ARL17B: variants seen among roughly 807,000 people sequenced by gnomAD.
The protein encoded by ARL17B is ARF like GTPase 17B, also known as ADP-ribosylation factor-like protein 17.
chr17:46,281,993 C>T (rs2049774667), intron 4 of ARL17B, among the ~76,000 whole-genome samples: 2 of 152,058 alleles, frequency 1.3e-5, no homozygotes, highest in African/African-American at 2.4e-5. Flanking sequence ...AACCTGCTGC[C>T]TACTTTTCTT....
At chr17:46,311,994 C>T (rs2050821094) in intron 3 of ARL17B, among the ~76,000 whole-genome samples, 1 of 72,148 alleles carries the variant, frequency 1.4e-5, no homozygotes, top group South Asian at 6.3e-4. Context: ...GAGGCCAAGA[C>T]AGGCAGATCG....
intron 4 of ARL17B, among the ~76,000 whole-genome samples, chr17:46,278,319 C>A (rs1414013570): frequency 9.2e-5 from 14 of 152,296 alleles, no homozygotes; most frequent in African/African-American, 3.4e-4. Context: ...AAATGAGAGC[C>A]AAGCTCACTT....
downstream of ARL17B, chr17:46,332,695 CCTGT>C (rs1347427855): frequency 2.4e-6 from 2 of 817,820 alleles, no homozygotes; most frequent in Non-Finnish European, 3.8e-6. Context: ...AGAATGCAGT[CCTGT>C]CTTTGTGTGG....
intron 2 of ARL17B, among the ~76,000 whole-genome samples, chr17:46,354,650 TAA>T (rs1168841386): frequency 1.9e-5 from 2 of 103,862 alleles, no homozygotes; most frequent in Non-Finnish European, 3.8e-5. Flanking sequence ...AATTAAAAAT[TAA>T]AAAAAAAAGA....
At chr17:46,351,716 C>A (rs200627290) in intron 3 of ARL17B, among the ~76,000 whole-genome samples, 2 of 151,600 alleles carry the variant, frequency 1.3e-5, no homozygotes, top group South Asian at 2.1e-4. Context: ...TATAAAGGGA[C>A]AGTCGACTTG....
At chr17:46,290,075 C>T (rs2050024140) in intron 4 of ARL17B, among the ~76,000 whole-genome samples, 1 of 152,264 alleles carries the variant, frequency 6.6e-6, no homozygotes. Context: ...GCTGTGATGG[C>T]ACCACTGTGC....
At chr17:46,285,408 T>A (rs1211517211) in intron 4 of ARL17B, among the ~76,000 whole-genome samples, 4 of 151,866 alleles carry the variant, frequency 2.6e-5, no homozygotes, top group Admixed American at 1.3e-4. Flanking sequence ...ACCCGACTAG[T>A]TTTTTGTATT....
intron 4 of ARL17B, among the ~76,000 whole-genome samples, chr17:46,288,613 T>A (rs2907469): frequency 6.6e-6 from 1 of 151,796 alleles, no homozygotes; most frequent in South Asian, 2.1e-4. Context: ...TCATATTTTT[T>A]AAAAAAAGTT....
intron 3 of ARL17B, among the ~76,000 whole-genome samples, chr17:46,351,982 T>C (rs1382070102): frequency 2.0e-5 from 3 of 152,166 alleles, no homozygotes; most frequent in Non-Finnish European, 2.9e-5. Flanking sequence ...ACGCCTATAA[T>C]CCCAGAACTT....
At chr17:46,285,602 A>T (rs1383508741) in intron 4 of ARL17B, among the ~76,000 whole-genome samples, 1 of 152,168 alleles carries the variant, frequency 6.6e-6, no homozygotes, top group Non-Finnish European at 1.5e-5. Context: ...TTCTCAATCC[A>T]TGGGAGTGAG....
At chr17:46,284,014 C>T (rs1331623211) in intron 4 of ARL17B, among the ~76,000 whole-genome samples, 2 of 152,264 alleles carry the variant, frequency 1.3e-5, no homozygotes, top group Admixed American at 6.5e-5. Context: ...CGGTTTTTCC[C>T]TATCTCAGTA....
intron 4 of ARL17B, among the ~76,000 whole-genome samples, chr17:46,288,726 C>G (rs1473661372): frequency 7.5e-6 from 1 of 133,962 alleles, no homozygotes; most frequent in Non-Finnish European, 1.7e-5. Context: ...TTTTTTGAGA[C>G]TGGGTCTCAC....
intron 4 of ARL17B, among the ~76,000 whole-genome samples, chr17:46,285,372 C>A (rs1391511209): frequency 1.3e-5 from 2 of 151,904 alleles, no homozygotes; most frequent in African/African-American, 4.8e-5. Flanking sequence ...TCCCTAGTAG[C>A]TGGGATTACA....
At chr17:46,327,160 T>C (rs1450435968) in intron 3 of ARL17B, among the ~76,000 whole-genome samples, 2 of 85,224 alleles carry the variant, frequency 2.3e-5, no homozygotes, top group East Asian at 4.6e-4. Flanking sequence ...ATGATGAAAT[T>C]CAAGTTAAGC....
In ARL17B at chr17:46,336,163, G is replaced by A. The variant is rs1375809374; in HGVS notation, c.*3337C>T. On this transcript the variant is annotated 3_prime_UTR_variant, in exon 4 of 4. Transcript: ENST00000450673. The stretch of plus-strand genomic sequence containing the variant: ...GATATGCGAGTCCTTCCTCTTAAGT[G>A]GCAGGAAACAGTATTTTCTCTTTTA... Among the ~76,000 whole-genome samples the A allele has an allele frequency of 4.4e-5, 1 of 22,504 alleles. No individual in the cohort carries two copies. The highest frequency in any genetic ancestry group is 5.3e-5 in the African/African-American group (1 of 18,874). The allele number at this position is 22,504 out of a possible 152,430, so 14.8% of individuals were successfully genotyped here. A position where few individuals can be genotyped will look rare whatever the true frequency, so the allele number is the denominator to read the frequency against.
chr17:46,288,143 C>T (rs939781578), intron 4 of ARL17B, among the ~76,000 whole-genome samples: 2 of 151,710 alleles, frequency 1.3e-5, no homozygotes, highest in African/African-American at 4.8e-5. Context: ...GTAGTTTATC[C>T]TGTTACCACT....
intron 4 of ARL17B, among the ~76,000 whole-genome samples, chr17:46,280,399 T>A (rs2049729132): frequency 6.6e-6 from 1 of 151,234 alleles, no homozygotes; most frequent in African/African-American, 2.4e-5. Context: ...TCTAGCCCAG[T>A]GCAGTGGCTC....
rs560912263 is a variant in ARL17B at position 46,323,685 on chromosome 17, C to T, written c.260-24020G>A. ...GTGCTAGGATTACAGATAAGATCCA[C>T]CTTGCCTGGCCTCACTCAGTAGAAT... On this transcript the variant is annotated intron_variant, in intron 3 of 4. Transcript: ENST00000434041. Among the ~76,000 whole-genome samples the T allele has an allele frequency of 6.3e-4, 66 of 104,070 alleles. 14 individuals carry two copies. Among genetic ancestry groups the T allele is most frequent in the African/African-American group, 1.6e-3 (53 of 32,472 alleles). The allele number at this position is 104,070 out of a possible 152,430, so 68.3% of individuals were successfully genotyped here. A position where few individuals can be genotyped will look rare whatever the true frequency, so the allele number is the denominator to read the frequency against.
At chr17:46,289,695 C>T (rs147657306) in intron 4 of ARL17B, among the ~76,000 whole-genome samples, 6 of 152,320 alleles carry the variant, frequency 3.9e-5, no homozygotes, top group African/African-American at 1.4e-4. Flanking sequence ...AAAATATTCC[C>T]AAAACGTTTC....
Sources: allele counts gnomAD v4.1 joint callset (sites outside exome capture counted in the v4.1 genomes callset), GRCh38; gene constraint gnomAD v4.1.1; transcripts MANE v1.5; gene names NCBI Gene and HGNC (gene_info 2026-07-23, HGNC 2026-07-21).